NDRG1: variants seen among roughly 807,000 people sequenced by gnomAD.
The protein encoded by NDRG1 is protein NDRG1.
A neutral mutation model predicts 56.9 loss-of-function variants in NDRG1; 32 were observed. That is an observed-to-expected ratio of 0.56 (90% CI 0.42 to 0.76). The LOEUF is 0.76. Among genes scored for constraint, NDRG1 ranks in the 30% least tolerant of loss-of-function variants. The probability of loss-of-function intolerance (pLI) is 0.00; values close to 1 mark genes in which losing one functional copy is unlikely to be tolerated. For missense variants in NDRG1, 507 were observed against 545.7 expected (o/e 0.93, Z 0.71); for synonymous variants, 211 against 204.1 (o/e 1.03, Z -0.29).
At chr8:133,259,413 G>A in intron 5 of NDRG1, 183 bp from the exon 6 acceptor site, 1 of 644,090 alleles carries the variant, frequency 1.6e-6, no homozygotes. Context: ...TCTATCAATT[G>A]CTTCCTACGC....
intron 1 of NDRG1, among the ~76,000 whole-genome samples, chr8:133,293,571 C>T (rs1234607662): frequency 6.6e-6 from 1 of 152,186 alleles, no homozygotes; most frequent in East Asian, 1.9e-4. Context: ...GGCACTATAG[C>T]AAACAAGAGC....
In NDRG1 at chr8:133,284,471, T is replaced by C; in HGVS notation, c.-18-142A>G. ...CTCCCTCGTGATGCACTGCAGGGGA[T>C]GAGGAGGTCCCTTGTACACACAGCC... is the stretch of plus-strand genomic sequence containing the variant. On this transcript the variant is annotated intron_variant, in intron 1 of 15. Transcript: ENST00000323851. 3 of 722,504 alleles carry C rather than the reference T, an allele frequency of 4.2e-6. No individual in the cohort carries two copies. In the South Asian group the frequency reaches 4.9e-5, roughly 12 times the overall value. 44.8% of individuals were successfully genotyped at this position (722,504 alleles called of 1,614,324 possible).
intron 3 of NDRG1, among the ~76,000 whole-genome samples, chr8:133,272,562 G>A (rs554584016): frequency 1.3e-5 from 2 of 152,336 alleles, no homozygotes; most frequent in East Asian, 1.9e-4. Context: ...AGATGAGTGA[G>A]GTCAGCCTGG....
At chr8:133,254,672 C>T (rs1856272182) in intron 8 of NDRG1, 77 bp from the exon 9 acceptor site, 2 of 1,469,382 alleles carry the variant, frequency 1.4e-6, no homozygotes, top group Non-Finnish European at 9.4e-7. Flanking sequence ...CCCCACTTCC[C>T]TGGGTGCAGG....
At chr8:133,250,313 A>T in intron 10 of NDRG1, 127 bp downstream of exon 10, 1 of 890,110 alleles carries the variant, frequency 1.1e-6, no homozygotes. Flanking sequence ...CTATTAATCT[A>T]TTTGCTCAAA....
At chr8:133,289,669 G>A (rs1383502651) in intron 1 of NDRG1, among the ~76,000 whole-genome samples, 11 of 152,162 alleles carry the variant, frequency 7.2e-5, no homozygotes, top group Non-Finnish European at 1.3e-4. Context: ...AGAAAAGAAC[G>A]TGACCCGTGA....
intron 7 of NDRG1, among the ~76,000 whole-genome samples, chr8:133,257,316 C>CACAG (rs756183850): frequency 0.05 from 6,418 of 129,448 alleles, 270 homozygotes; most frequent in East Asian, 0.27. Flanking sequence ...CACACACACA[C>CACAG]AGAGAGAGAG....
In NDRG1 at chr8:133,243,912, T is replaced by TTACACATGCACACAGACATGTG. The variant is rs780741653; in HGVS notation, c.891+421_891+442dup. On this transcript the variant is annotated intron_variant, in intron 14 of 15. Coordinates refer to ENST00000323851, the MANE Select transcript of NDRG1 (RefSeq NM_006096.4). ...TTTATTTGTACATGTGCACACACAT[T>TTACACATGCACACAGACATGTG]TACACATGCACACAGACATGTGTAC... is the stretch of plus-strand genomic sequence containing the variant. Among the ~76,000 whole-genome samples the TTACACATGCACACAGACATGTG allele has an allele frequency of 4.4e-4, 67 of 152,220 alleles. 2 individuals are homozygous for TTACACATGCACACAGACATGTG. In the South Asian group the frequency reaches 9.1e-3, roughly 21 times the overall value.
chr8:133,270,010 T>C (rs1204246981), intron 3 of NDRG1, among the ~76,000 whole-genome samples: 1 of 152,256 alleles, frequency 6.6e-6, no homozygotes, highest in Non-Finnish European at 1.5e-5. Context: ...CTACCCACCA[T>C]ACACATGCCA....
chr8:133,238,469 A>C lies in NDRG1; in HGVS notation c.*409T>G. On this transcript the variant is annotated 3_prime_UTR_variant, in exon 16 of 16. Coordinates refer to ENST00000323851, the MANE Select transcript of NDRG1 (RefSeq NM_006096.4). ...TGGATCAGCTTCTCCTCAGTTAAAG[A>C]GGAAACGGGAAGTGGGCGGCTGGCC... 3.6e-6 allele frequency: 1 copy of C among 273,986 alleles called. No individual in the cohort carries two copies. The highest frequency in any genetic ancestry group is 4.9e-5 in the Admixed American group (1 of 20,552). The allele number at this position is 273,986 out of a possible 1,614,324, so 17.0% of individuals were successfully genotyped here. A position where few individuals can be genotyped will look rare whatever the true frequency, so the allele number is the denominator to read the frequency against.
intron 2 of NDRG1, among the ~76,000 whole-genome samples, chr8:133,282,531 T>C (rs915648979): frequency 6.6e-6 from 1 of 152,216 alleles, no homozygotes; most frequent in African/African-American, 2.4e-5. Flanking sequence ...AATAAGAATA[T>C]GGTGATATGT....
chr8:133,286,428 G>T (rs1410145566), intron 1 of NDRG1, among the ~76,000 whole-genome samples: 3 of 152,160 alleles, frequency 2.0e-5, no homozygotes, highest in African/African-American at 7.2e-5. Flanking sequence ...TCGTTCTCCA[G>T]AACAGAAAAG....
intron 2 of NDRG1, among the ~76,000 whole-genome samples, 195 bp from the exon 3 acceptor site, chr8:133,280,462 C>T (rs1484693146): frequency 6.9e-6 from 1 of 145,738 alleles, no homozygotes; most frequent in African/African-American, 2.6e-5. Context: ...CTTGCTCTGT[C>T]GCCCAGGTTA....
chr8:133,267,117 G>A (rs1856961153), intron 3 of NDRG1, among the ~76,000 whole-genome samples: 1 of 152,060 alleles, frequency 6.6e-6, no homozygotes, highest in Admixed American at 6.5e-5. Context: ...GGCCACCATC[G>A]TGCTTCTGCA....
rs1326900722 is a variant in NDRG1, at chr8:133,250,435, A to C, written c.698+5T>G. 6.2e-7 allele frequency: 1 copy of C among 1,611,306 alleles called. No homozygotes were observed. Among genetic ancestry groups the C allele is most frequent in the Admixed American group, 1.7e-5 (1 of 60,012 alleles). ...CAATGATGTGGCTGAACTACATCCC[A>C]ATACCTGTTGTAGGCATTGATGAAC... On this transcript the variant is annotated splice_donor_5th_base_variant and intron_variant, in intron 10 of 15. Coordinates refer to ENST00000323851, the MANE Select transcript of NDRG1 (RefSeq NM_006096.4).
intron 14 of NDRG1, among the ~76,000 whole-genome samples, chr8:133,243,255 A>G (rs1401677901): frequency 6.6e-6 from 1 of 152,200 alleles, no homozygotes; most frequent in African/African-American, 2.4e-5. Flanking sequence ...TGGAAGAAAG[A>G]GACAAGAGAA....
intron 15 of NDRG1, chr8:133,241,784 A>C (rs369241236): frequency 1.7e-5 from 10 of 597,282 alleles, no homozygotes; most frequent in South Asian, 9.9e-5. Context: ...AACCCCCCAA[A>C]ATCCCTGGTG....
intron 3 of NDRG1, among the ~76,000 whole-genome samples, chr8:133,276,883 T>C (rs540067631): frequency 2.6e-5 from 4 of 152,342 alleles, no homozygotes; most frequent in South Asian, 2.1e-4. Flanking sequence ...GAGATATCTG[T>C]ACACATGTTC....
chr8:133,267,744 T>C (rs548629364), intron 3 of NDRG1, among the ~76,000 whole-genome samples: 1 of 151,824 alleles, frequency 6.6e-6, no homozygotes, highest in South Asian at 2.1e-4. Flanking sequence ...GACATCGGAG[T>C]TCAAATCCAA....
Sources: gnomAD v4.1 joint callset for allele counts (sites outside exome capture counted in the v4.1 genomes callset) on GRCh38, gnomAD v4.1.1 for gene constraint, MANE v1.5 for transcripts, NCBI Gene and HGNC (gene_info 2026-07-23, HGNC 2026-07-21) for gene names.